The following KIRREL3 variants were observed in gnomAD, a reference collection of about 807,000 sequenced individuals.
The protein encoded by KIRREL3 is kirre like nephrin family adhesion molecule 3, also known as kin of IRRE-like protein 3.
In KIRREL3, 36 loss-of-function variants were observed where a neutral mutation model predicts 89.7. That is an observed-to-expected ratio of 0.40 (90% confidence interval 0.31 to 0.53). KIRREL3 has a LOEUF of 0.53. Among genes scored for constraint, KIRREL3 ranks in the 20% least tolerant of loss-of-function variants. The probability of loss-of-function intolerance (pLI) is 0.49; values close to 1 mark genes in which losing one functional copy is unlikely to be tolerated. For synonymous variants in KIRREL3, 445 were observed against 441.4 expected, an observed-to-expected ratio of 1.01 and a Z score of -0.10; for missense variants, 864 against 1,056.6, an observed-to-expected ratio of 0.82 and a Z score of 2.53.
intron 1 of KIRREL3, among the ~76,000 whole-genome samples, chr11:126,928,841 T>C (rs763533267): frequency 3.3e-5 from 5 of 152,180 alleles, no homozygotes; most frequent in African/African-American, 7.2e-5. Context: ...TTATGAGCTA[T>C]GTGGATGGTG....
At chr11:126,646,420 T>C (rs1944674570) in intron 1 of KIRREL3, among the ~76,000 whole-genome samples, 1 of 152,056 alleles carries the variant, frequency 6.6e-6, no homozygotes, top group African/African-American at 2.4e-5. Context: ...AAAACTCTTG[T>C]CTAATTGCAA....
In KIRREL3 at chr11:126,811,486, T is replaced by C. The variant is rs1293633717; in HGVS notation, c.55+188969A>G. ...CATAGCTGTTGACAAACTGGACAGATACATGAGTAATGAATAGGAACCTGT... is the reference window on the plus strand; with the variant it reads ...CATAGCTGTTGACAAACTGGACAGACACATGAGTAATGAATAGGAACCTGT... On this transcript the variant is annotated intron_variant, in intron 1 of 16. Transcript: ENST00000525144. The surrounding 1 kb of genome is among the most constrained non-coding windows in gnomAD (Gnocchi z 4.3). Among the ~76,000 whole-genome samples the C allele has an allele frequency of 6.6e-6, 1 of 152,238 alleles. No homozygotes were observed. The highest frequency in any genetic ancestry group is 2.4e-5 in the African/African-American group (1 of 41,472).
chr11:126,426,981 T>C (rs370984794), intron 15 of KIRREL3, among the ~76,000 whole-genome samples: 4 of 152,216 alleles, frequency 2.6e-5, no homozygotes, highest in South Asian at 4.2e-4. Context: ...AATGACGATA[T>C]CCTCAAGGGG....
intron 1 of KIRREL3, among the ~76,000 whole-genome samples, chr11:126,600,536 G>A (rs992594462): frequency 4.6e-5 from 7 of 151,966 alleles, no homozygotes; most frequent in East Asian, 1.9e-4. Flanking sequence ...TCATACCCAC[G>A]AGCTAGCCAC....
chr11:126,538,196 T>C (rs1042227317), intron 2 of KIRREL3, among the ~76,000 whole-genome samples: 1 of 152,258 alleles, frequency 6.6e-6, no homozygotes, highest in Non-Finnish European at 1.5e-5. Flanking sequence ...CTTCACAGCC[T>C]CCTGGAGTGT....
chr11:126,952,795 G>T (rs1372996296), intron 1 of KIRREL3, among the ~76,000 whole-genome samples: 2 of 152,150 alleles, frequency 1.3e-5, no homozygotes, highest in African/African-American at 4.8e-5. Flanking sequence ...ACCATCTCAC[G>T]CCAGTTAGAA....
chr11:126,974,514 C>T (rs1318377449), intron 1 of KIRREL3, among the ~76,000 whole-genome samples: 1 of 96,154 alleles, frequency 1.0e-5, no homozygotes, highest in Non-Finnish European at 2.3e-5. Flanking sequence ...CGTTACACAC[C>T]TAGGCTACAT....
rs894001673 is a variant in KIRREL3 at position 126,780,154 on chromosome 11, G to A, written c.56-217242C>T. 1.3e-5 allele frequency among the ~76,000 whole-genome samples: 2 copies of A among 152,146 alleles called. No homozygotes were observed. The highest frequency in any genetic ancestry group is 2.9e-5 in the Non-Finnish European group (2 of 68,024). On this transcript the variant is annotated intron_variant, in intron 1 of 16. Transcript: ENST00000525144. The surrounding 1 kb of genome is among the most constrained non-coding windows in gnomAD (Gnocchi z 5.3). ...ATGGAAGCACAGGGGAGAGACAAGCGGGGAGAAATTCAGGTTCAATGAAAG... is the reference window on the plus strand; with the variant it reads ...ATGGAAGCACAGGGGAGAGACAAGCAGGGAGAAATTCAGGTTCAATGAAAG...
chr11:126,700,177 G>A (rs1351906202), intron 1 of KIRREL3, among the ~76,000 whole-genome samples: 1 of 136,632 alleles, frequency 7.3e-6, no homozygotes, highest in Non-Finnish European at 1.5e-5. Context: ...CTAGGAGACA[G>A]AGTAAGACTT....
In KIRREL3 at chr11:127,000,442, G is replaced by T. The variant is rs778903864; in HGVS notation, c.55+13C>A. Reference sequence around the variant, plus strand: ...CCGACTTTCTTCCAACTCCAGCAGCGCAGGGGTCCTACCTTGACTGAAGAG... The same window carrying T: ...CCGACTTTCTTCCAACTCCAGCAGCTCAGGGGTCCTACCTTGACTGAAGAG... On this transcript the variant is annotated intron_variant, in intron 1 of 16. Transcript: ENST00000525144. The surrounding 1 kb of genome is among the most constrained non-coding windows in gnomAD (Gnocchi z 7.1). The T allele has an allele frequency of 5.0e-6, 8 of 1,596,862 alleles. No individual in the cohort carries two copies. The East Asian group carries it at 9.1e-5, about 18-fold the overall frequency.
intron 1 of KIRREL3, among the ~76,000 whole-genome samples, chr11:126,725,417 G>A (rs1184918799): frequency 6.6e-6 from 1 of 152,230 alleles, no homozygotes. Context: ...AAAGGAAGCA[G>A]TCATGGTTTG....
intron 1 of KIRREL3, among the ~76,000 whole-genome samples, chr11:126,826,627 C>A (rs186404966): frequency 8.5e-5 from 13 of 152,242 alleles, no homozygotes; most frequent in African/African-American, 2.9e-4. Context: ...TTGGGAAATA[C>A]GTGTTGGAGG....
chr11:126,824,870 C>T (rs975465999), intron 1 of KIRREL3, among the ~76,000 whole-genome samples: 7 of 152,092 alleles, frequency 4.6e-5, no homozygotes, highest in Admixed American at 1.3e-4. Context: ...TTTACACTGT[C>T]GGAGGTAAAA....
At chr11:126,630,719 T>C (rs1397923218) in intron 1 of KIRREL3, among the ~76,000 whole-genome samples, 2 of 152,170 alleles carry the variant, frequency 1.3e-5, no homozygotes, top group African/African-American at 4.8e-5. Context: ...GAAGCATGCC[T>C]CACTCCCAGC....
rs971953704 is a variant in KIRREL3, at chr11:126,950,378, A to AAAACAAAC, written c.55+50069_55+50076dup. ...AAGACTCCATCTGAAAACAAAAACA[A>AAAACAAAC]AAACAAACAAACAAACAAACAAAAC... is the stretch of plus-strand genomic sequence containing the variant. On this transcript the variant is annotated intron_variant, in intron 1 of 16. Transcript: ENST00000525144. Among the ~76,000 whole-genome samples the AAAACAAAC allele has an allele frequency of 4.6e-5, 7 of 152,262 alleles. No individual in the cohort carries two copies. In the South Asian group the frequency reaches 1.5e-3, roughly 32 times the overall value.
Position 126,807,138 on chromosome 11 carries a change from G to A in KIRREL3, c.55+193317C>T, listed in dbSNP as rs533485553. Reference sequence around the variant, plus strand: ...CTATCTTTTTCCAAGTTCCCAAGCAGGTTTGGGAGTAGGACGTGGTCTGGG... The same window carrying A: ...CTATCTTTTTCCAAGTTCCCAAGCAAGTTTGGGAGTAGGACGTGGTCTGGG... On this transcript the variant is annotated intron_variant, in intron 1 of 16. Coordinates refer to ENST00000525144, the MANE Select transcript of KIRREL3 (RefSeq NM_032531.4). The surrounding 1 kb of genome is among the most constrained non-coding windows in gnomAD (Gnocchi z 4.3). 6.6e-6 allele frequency among the ~76,000 whole-genome samples: 1 copy of A among 152,312 alleles called. No homozygotes were observed. Among genetic ancestry groups the A allele is most frequent in the African/African-American group, 2.4e-5 (1 of 41,578 alleles).
chr11:126,675,660 C>T (rs1189017279), intron 1 of KIRREL3, among the ~76,000 whole-genome samples: 1 of 152,156 alleles, frequency 6.6e-6, no homozygotes, highest in African/African-American at 2.4e-5. Flanking sequence ...AGCCTGCTTC[C>T]TGGATGACTG....
chr11:126,538,229 C>G (rs1000472273), intron 2 of KIRREL3, among the ~76,000 whole-genome samples: 15 of 152,230 alleles, frequency 9.9e-5, no homozygotes, highest in Admixed American at 2.0e-4. Context: ...GCAAAAAGGG[C>G]TCAAATGTCA....
chr11:126,485,260 G>C lies in KIRREL3; in HGVS notation c.434-11794C>G, dbSNP rs1044562296. Among the ~76,000 whole-genome samples, 5 of 152,204 alleles carry C rather than the reference G, an allele frequency of 3.3e-5. No homozygotes were observed. Among genetic ancestry groups the C allele is most frequent in the Non-Finnish European group, 2.9e-5 (2 of 68,036 alleles). The stretch of plus-strand genomic sequence containing the variant: ...GTTTAGGATGATGGCATGTAGCTCA[G>C]AGGAAGGTGTGCTGGAGGCTGTTTC... On this transcript the variant is annotated intron_variant, in intron 4 of 16. Coordinates refer to ENST00000525144, the MANE Select transcript of KIRREL3 (RefSeq NM_032531.4). The surrounding 1 kb of genome is among the most constrained non-coding windows in gnomAD (Gnocchi z 5.8).
Sources: allele counts gnomAD v4.1 joint callset (sites outside exome capture counted in the v4.1 genomes callset), GRCh38; gene constraint gnomAD v4.1.1; non-coding constraint Gnocchi (gnomAD v3.1); transcripts MANE v1.5; gene names NCBI Gene and HGNC (gene_info 2026-07-23, HGNC 2026-07-21).